CAMTA1: variants seen among roughly 807,000 people sequenced by gnomAD.
CAMTA1 encodes the protein calmodulin binding transcription activator 1, also known as calmodulin-binding transcription activator 1.
In CAMTA1, 27 loss-of-function variants were observed where a neutral mutation model predicts 170.9. The observed-to-expected ratio is 0.16, with a 90% CI of 0.12 to 0.22. CAMTA1 has a LOEUF of 0.22. Ranked by LOEUF, CAMTA1 falls within the 10% of genes least tolerant of loss-of-function variation. The probability of loss-of-function intolerance (pLI) is 1.00; values close to 1 mark genes in which losing one functional copy is unlikely to be tolerated. For synonymous variants in CAMTA1, 833 were observed against 891.5 expected, an observed-to-expected ratio of 0.93 and a Z score of 1.17; for missense variants, 1,619 against 2,217.2, an observed-to-expected ratio of 0.73 and a Z score of 5.42.
intron 11 of CAMTA1, among the ~76,000 whole-genome samples, chr1:7,684,998 G>T (rs564102681): frequency 6.6e-6 from 1 of 152,122 alleles, no homozygotes; most frequent in African/African-American, 2.4e-5. Context: ...GGGACTCCGC[G>T]GTGTCGGGGA....
At chr1:6,857,238 A>G (rs1662775946) in intron 3 of CAMTA1, among the ~76,000 whole-genome samples, 2 of 152,038 alleles carry the variant, frequency 1.3e-5, no homozygotes, top group Admixed American at 1.3e-4. Context: ...TGGCTTGGAG[A>G]TGGGGTTTGG....
chr1:6,795,964 A>G (rs1441287501), intron 1 of CAMTA1, among the ~76,000 whole-genome samples: 1 of 152,116 alleles, frequency 6.6e-6, no homozygotes, highest in Non-Finnish European at 1.5e-5. Flanking sequence ...GCATCAGTAC[A>G]GTTTGGATAA....
intron 4 of CAMTA1, among the ~76,000 whole-genome samples, chr1:7,161,797 G>A (rs1410654766): frequency 6.6e-6 from 1 of 152,176 alleles, no homozygotes; most frequent in Non-Finnish European, 1.5e-5. Flanking sequence ...ACCAAGGGTG[G>A]AGTGGTGAAG....
At chr1:7,427,042 G>A (rs1290530832) in intron 5 of CAMTA1, among the ~76,000 whole-genome samples, 1 of 152,142 alleles carries the variant, frequency 6.6e-6, no homozygotes, top group Non-Finnish European at 1.5e-5. Context: ...CAGAAGCAGG[G>A]CAGCCGACTT....
intron 3 of CAMTA1, among the ~76,000 whole-genome samples, chr1:7,051,060 T>G (rs1355631969): frequency 6.6e-6 from 1 of 152,116 alleles, no homozygotes; most frequent in Non-Finnish European, 1.5e-5. Flanking sequence ...TGGTCGTGAT[T>G]GGTGAGGCGC....
intron 6 of CAMTA1, among the ~76,000 whole-genome samples, chr1:7,499,906 A>AGT (rs529145538): frequency 1.5e-5 from 2 of 135,450 alleles, no homozygotes; most frequent in Non-Finnish European, 3.1e-5. Flanking sequence ...TATGTATATG[A>AGT]GTGTGTGTGT....
At chr1:6,968,654 G>A (rs529769363) in intron 3 of CAMTA1, among the ~76,000 whole-genome samples, 62 of 152,108 alleles carry the variant, frequency 4.1e-4, no homozygotes, top group African/African-American at 1.3e-3. Context: ...TGTTCAGGAC[G>A]TATCATCCAT....
At chr1:7,763,141 G>A (rs896073195) in intron 22 of CAMTA1, among the ~76,000 whole-genome samples, 5 of 152,148 alleles carry the variant, frequency 3.3e-5, no homozygotes, top group Admixed American at 2.0e-4. Flanking sequence ...CTCAGATTCT[G>A]CATTTACAAA....
chr1:7,289,263 C>G lies in CAMTA1; in HGVS notation c.438+39637C>G, dbSNP rs78786068. 7.4e-3 allele frequency among the ~76,000 whole-genome samples: 1,119 copies of G among 152,226 alleles called. 10 individuals carry two copies. Among genetic ancestry groups the G allele is most frequent in the African/African-American group, 0.025 (1,030 of 41,524 alleles). On this transcript the variant is annotated intron_variant, in intron 5 of 22. Coordinates refer to ENST00000303635, the MANE Select transcript of CAMTA1 (RefSeq NM_015215.4). ...GCAGGGACACAGATCCAAACCATAT[C>G]AGTGAGGGTGGGAGTTTTCCAGCCT...
In CAMTA1 at chr1:7,010,408, CCTTCTCTGGTCA is replaced by C. The variant is rs1157099996; in HGVS notation, c.235-80893_235-80882del. 6.6e-6 allele frequency among the ~76,000 whole-genome samples: 1 copy of C among 152,220 alleles called. No individual in the cohort carries two copies. Among genetic ancestry groups the C allele is most frequent in the African/African-American group, 2.4e-5 (1 of 41,450 alleles). ...GGCTGTGGCGTCACATCCTCCAGAG[CCTTCTCTGGTCA>C]CTCCCAGGTCATGTCAGTCCTGAGG... On this transcript the variant is annotated intron_variant, in intron 3 of 22. Coordinates refer to ENST00000303635, the MANE Select transcript of CAMTA1 (RefSeq NM_015215.4). This position sits in a 1 kb window ranked among gnomAD's most constrained non-coding sequence, Gnocchi z 4.4.
intron 3 of CAMTA1, among the ~76,000 whole-genome samples, chr1:7,060,805 A>T (rs569335741): frequency 6.6e-6 from 1 of 152,222 alleles, no homozygotes; most frequent in Non-Finnish European, 1.5e-5. Context: ...AAATTGTTCA[A>T]GAATTGGGTT....
chr1:7,664,597 A>T lies in CAMTA1; in HGVS notation c.2050A>T (p.Met684Leu), dbSNP rs2095986225. 6.2e-7 allele frequency: 1 copy of T among 1,612,186 alleles called. No homozygotes were observed. Among genetic ancestry groups the T allele is most frequent in the Non-Finnish European group, 8.5e-7 (1 of 1,179,356 alleles). ...GCAGTTCCAGGCCAACTTCCAGGCC[A>T]TGACGGCAGAAGGGGAGGTCACCAT... is the stretch of plus-strand genomic sequence containing the variant. The part of the protein sequence containing the change: ...LMQFQANFQA[M>L]TAEGEVTMET... The change falls in exon 9 of 23, where the codon ATG becomes TTG. Residue 684 changes from methionine (M) to leucine (L), a missense_variant. Physicochemically the swap from Met to Leu is conservative, Grantham distance 15. Transcript: ENST00000303635.
At chr1:7,374,829 A>G (rs964457404) in intron 5 of CAMTA1, among the ~76,000 whole-genome samples, 6 of 152,222 alleles carry the variant, frequency 3.9e-5, no homozygotes, top group Non-Finnish European at 7.3e-5. Context: ...CAAGGGAATG[A>G]AGCTCAGAGA....
chr1:7,244,828 C>T (rs1156811865), intron 4 of CAMTA1, among the ~76,000 whole-genome samples: 1 of 151,928 alleles, frequency 6.6e-6, no homozygotes, highest in Non-Finnish European at 1.5e-5. Context: ...ACCAACATGG[C>T]ACATGTATAC....
At chr1:7,610,072 C>T (rs2095513499) in intron 6 of CAMTA1, among the ~76,000 whole-genome samples, 2 of 152,172 alleles carry the variant, frequency 1.3e-5, no homozygotes, top group Non-Finnish European at 2.9e-5. Flanking sequence ...CGTTTCTCTG[C>T]CAGATTCTGC....
chr1:7,452,669 G>A (rs1012571349), intron 5 of CAMTA1, among the ~76,000 whole-genome samples: 2 of 152,136 alleles, frequency 1.3e-5, no homozygotes, highest in African/African-American at 4.8e-5. Flanking sequence ...TGTTTTCAAG[G>A]TTCATCCATG....
chr1:7,471,799 G>T lies in CAMTA1; in HGVS notation c.510+3898G>T, dbSNP rs555736253. On this transcript the variant is annotated intron_variant, in intron 6 of 22. Transcript: ENST00000303635. ...CTGTTTGGGATTTTCTGATGGTTTC[G>T]AGGGGTAGGCAGCAGAGGTTCAGGG... Among the ~76,000 whole-genome samples, 8 of 152,300 alleles carry T rather than the reference G, an allele frequency of 5.3e-5. No individual in the cohort carries two copies. In the South Asian group the frequency reaches 1.7e-3, roughly 32 times the overall value.
chr1:7,393,016 G>C (rs2088898602), intron 5 of CAMTA1, among the ~76,000 whole-genome samples: 1 of 151,196 alleles, frequency 6.6e-6, no homozygotes, highest in Non-Finnish European at 1.5e-5. Context: ...TCGCGCCACT[G>C]CGTTCCAGCC....
chr1:7,490,286 G>C (rs1235293281), intron 6 of CAMTA1, among the ~76,000 whole-genome samples: 2 of 152,204 alleles, frequency 1.3e-5, no homozygotes, highest in Non-Finnish European at 2.9e-5. Context: ...GGAATGTGCG[G>C]TCACTGCCGC....
Sources: gnomAD v4.1 joint callset for allele counts (sites outside exome capture counted in the v4.1 genomes callset) on GRCh38, gnomAD v4.1.1 for gene constraint, Gnocchi (gnomAD v3.1) non-coding constraint, MANE v1.5 for transcripts, NCBI Gene and HGNC (gene_info 2026-07-23, HGNC 2026-07-21) for gene names.